Variants in ARSG observed in about 807,000 individuals in gnomAD.
ARSG encodes the protein ASG.
ARSG carries 37 observed loss-of-function variants against 50.5 expected under a neutral mutation model. That is an observed-to-expected ratio of 0.73 (90% CI 0.56 to 0.96). The LOEUF is 0.96. Among genes scored for constraint, ARSG ranks in the 50% least tolerant of loss-of-function variants. ARSG has a pLI of 0.00. For synonymous variants in ARSG, 225 were observed against 254.6 expected (o/e 0.88, Z 1.11); for missense variants, 629 against 675.3 (o/e 0.93, Z 0.76).
At chr17:68,260,226 T>C (rs2075051495) in intron 1 of ARSG, among the ~76,000 whole-genome samples, 1 of 152,238 alleles carries the variant, frequency 6.6e-6, no homozygotes, top group Admixed American at 6.5e-5. Flanking sequence ...TTGCTTGTTG[T>C]TTAACCAATG....
chr17:68,311,800 C>CT (rs36097952), intron 2 of ARSG, among the ~76,000 whole-genome samples: 70,723 of 116,316 alleles, frequency 0.61, 24,540 homozygotes, highest in Non-Finnish European at 0.77. Flanking sequence ...CTGTACTGTA[C>CT]TTTTTTTTTT....
At chr17:68,418,287 A>G (rs1188920017) in intron 11 of ARSG, among the ~76,000 whole-genome samples, 1 of 152,228 alleles carries the variant, frequency 6.6e-6, no homozygotes, top group Admixed American at 6.5e-5. Context: ...ACACTTTGTT[A>G]GGACGAGTCT....
rs988057539 is a variant in ARSG, at chr17:68,381,021, T to G, written c.983-4043T>G. The stretch of plus-strand genomic sequence containing the variant: ...GAGCCCCACCCCAGACTTATTAAAT[T>G]AGAATTCCTGGGAATAGGACCCAGA... On this transcript the variant is annotated intron_variant, in intron 8 of 11. Transcript: ENST00000621439. The surrounding 1 kb of genome is among the most constrained non-coding windows in gnomAD (Gnocchi z 4.1). Among the ~76,000 whole-genome samples, 1 of 152,196 alleles carries G rather than the reference T, an allele frequency of 6.6e-6. No homozygotes were observed.
chr17:68,368,147 T>G (rs1481865129), intron 6 of ARSG, among the ~76,000 whole-genome samples: 2 of 151,732 alleles, frequency 1.3e-5, no homozygotes, highest in African/African-American at 4.8e-5. Context: ...AATTTAAAGG[T>G]GTGTGTGTGT....
intron 1 of ARSG, among the ~76,000 whole-genome samples, chr17:68,292,650 G>T (rs1213364763): frequency 6.6e-6 from 1 of 152,142 alleles, no homozygotes; most frequent in Non-Finnish European, 1.5e-5. Context: ...CATGCACGGA[G>T]GGTCGCCACC....
intron 1 of ARSG, among the ~76,000 whole-genome samples, chr17:68,280,010 C>T (rs1381622160): frequency 1.3e-5 from 2 of 151,718 alleles, no homozygotes; most frequent in South Asian, 2.1e-4. Flanking sequence ...GGCAAAACCC[C>T]GTCTCTACTA....
intron 2 of ARSG, among the ~76,000 whole-genome samples, chr17:68,333,530 A>C (rs1462634852): frequency 1.3e-5 from 2 of 152,008 alleles, no homozygotes; most frequent in Admixed American, 1.3e-4. Context: ...TGGGAGGCTG[A>C]GGCAGGAGAA....
intron 8 of ARSG, among the ~76,000 whole-genome samples, chr17:68,375,216 T>G (rs2080086778): frequency 6.6e-6 from 1 of 152,212 alleles, no homozygotes; most frequent in Non-Finnish European, 1.5e-5. Context: ...ATGTGGTTGG[T>G]CCAGGGACCA....
intron 2 of ARSG, among the ~76,000 whole-genome samples, chr17:68,326,020 C>T (rs2077488768): frequency 2.0e-5 from 3 of 152,126 alleles, no homozygotes. Context: ...ACCCGAGCTG[C>T]TGTTGGTGGA....
chr17:68,263,852 AT>A (rs2075111237), intron 1 of ARSG, among the ~76,000 whole-genome samples: 1 of 151,424 alleles, frequency 6.6e-6, no homozygotes, highest in Non-Finnish European at 1.5e-5. Flanking sequence ...TTTCTTTTTT[AT>A]TTTTTCTTAA....
chr17:68,407,639 T>C (rs1467060725), intron 11 of ARSG, among the ~76,000 whole-genome samples: 1 of 152,072 alleles, frequency 6.6e-6, no homozygotes, highest in Non-Finnish European at 1.5e-5. Flanking sequence ...GTTGACTTCT[T>C]GATTTGACTC....
chr17:68,396,696 C>A lies in ARSG; in HGVS notation c.1212+1503C>A, dbSNP rs114832258. 7.7e-3 allele frequency among the ~76,000 whole-genome samples: 1,180 copies of A among 152,314 alleles called. 22 individuals are homozygous for A. Among genetic ancestry groups the A allele is most frequent in the African/African-American group, 0.027 (1,119 of 41,570 alleles). ...TACCAAAGCTGCCCTTCCCACCCAGCCTCCCCCAGCAAACCAGAACATGGG... is the reference window on the plus strand; with the variant it reads ...TACCAAAGCTGCCCTTCCCACCCAGACTCCCCCAGCAAACCAGAACATGGG... On this transcript the variant is annotated intron_variant, in intron 10 of 11. Transcript: ENST00000621439.
chr17:68,306,379 T>A (rs1435805022), intron 1 of ARSG, among the ~76,000 whole-genome samples: 3 of 151,492 alleles, frequency 2.0e-5, no homozygotes, highest in African/African-American at 7.3e-5. Context: ...GGTGACAGAG[T>A]GAGACTCAGT....
chr17:68,269,784 CTG>C (rs1555747845), intron 1 of ARSG, among the ~76,000 whole-genome samples: 3 of 146,902 alleles, frequency 2.0e-5, no homozygotes, highest in African/African-American at 7.6e-5. Flanking sequence ...AGCGATTCTC[CTG>C]CCTCAGCCTC....
the ARSG span, among the ~76,000 whole-genome samples, chr17:68,448,744 C>T: frequency 2.6e-5 from 4 of 152,266 alleles, no homozygotes; most frequent in African/African-American, 9.6e-5. Flanking sequence ...ACCTTGTATA[C>T]GGATTACTAC....
intron 1 of ARSG, among the ~76,000 whole-genome samples, chr17:68,261,734 G>C (rs1412183117): frequency 2.0e-5 from 3 of 152,112 alleles, no homozygotes; most frequent in Non-Finnish European, 2.9e-5. Context: ...CCCTAGGGAG[G>C]TGGCATTTGG....
At chr17:68,390,749 G>A (rs1281322069) in intron 9 of ARSG, among the ~76,000 whole-genome samples, 6 of 152,052 alleles carry the variant, frequency 3.9e-5, no homozygotes, top group Non-Finnish European at 5.9e-5. Context: ...TCAGCCTCCC[G>A]GGTAGCTGGG....
intron 1 of ARSG, among the ~76,000 whole-genome samples, chr17:68,285,376 A>G (rs2075817426): frequency 6.6e-6 from 1 of 151,906 alleles, no homozygotes; most frequent in Non-Finnish European, 1.5e-5. Context: ...CAGCCTCAAA[A>G]CTCCTGGGCT....
chr17:68,338,230 C>T (rs562738610), intron 2 of ARSG, among the ~76,000 whole-genome samples: 24 of 152,150 alleles, frequency 1.6e-4, no homozygotes, highest in African/African-American at 2.7e-4. Context: ...TGTGTGTGTG[C>T]GCGTGTGGGT....
Sources: gnomAD v4.1 joint callset for allele counts (sites outside exome capture counted in the v4.1 genomes callset) on GRCh38, gnomAD v4.1.1 for gene constraint, Gnocchi (gnomAD v3.1) non-coding constraint, MANE v1.5 for transcripts, NCBI Gene and HGNC (gene_info 2026-07-23, HGNC 2026-07-21) for gene names.